Variants in AGBL4 observed in about 807,000 individuals in gnomAD.
AGBL4 encodes AGBL carboxypeptidase 4, also known as cytosolic carboxypeptidase 6.
AGBL4 carries 58 observed loss-of-function variants against 66.4 expected under a neutral mutation model. The ratio of observed to expected loss-of-function variants is 0.87; its 90% CI spans 0.71 to 1.09. The LOEUF (loss-of-function observed/expected upper bound fraction) is 1.09. Ranked by LOEUF, AGBL4 falls within the 50% of genes least tolerant of loss-of-function variation. AGBL4 has a pLI of 0.00. For synonymous variants in AGBL4, 234 were observed against 222.9 expected, an observed-to-expected ratio of 1.05 and a Z score of -0.44; for missense variants, 579 against 631.0, an observed-to-expected ratio of 0.92 and a Z score of 0.88.
At chr1:49,807,650 T>A (rs896342437) in intron 2 of AGBL4, among the ~76,000 whole-genome samples, 5 of 152,192 alleles carry the variant, frequency 3.3e-5, no homozygotes, top group African/African-American at 1.2e-4. Flanking sequence ...CTTTTGGGGT[T>A]ACTGGGATGG....
Position 49,796,114 on chromosome 1 carries a change from A to G in AGBL4, c.157+55282T>C, listed in dbSNP as rs193201753. Among the ~76,000 whole-genome samples, 65 of 152,060 alleles carry G rather than the reference A, an allele frequency of 4.3e-4. No individual in the cohort carries two copies. The East Asian group carries it at 0.012, about 28-fold the overall frequency. On this transcript the variant is annotated intron_variant, in intron 2 of 13. Transcript: ENST00000371839. ...AAACTCTAATAGAAAAACTGGGCAA[A>G]AGATATGAACAGGTAATTCAGAAGC...
chr1:49,938,858 T>C (rs1373678098), intron 1 of AGBL4, among the ~76,000 whole-genome samples: 3 of 152,002 alleles, frequency 2.0e-5, no homozygotes, highest in Non-Finnish European at 2.9e-5. Context: ...CCAGGGCAAT[T>C]AGGCAGGAGA....
intron 5 of AGBL4, among the ~76,000 whole-genome samples, chr1:48,877,251 A>T (rs1649319186): frequency 6.6e-6 from 1 of 152,166 alleles, no homozygotes; most frequent in Non-Finnish European, 1.5e-5. Flanking sequence ...GGAAGGGGAA[A>T]TATTTAGTTC....
chr1:49,987,107 T>TA (rs1204449949), intron 1 of AGBL4, among the ~76,000 whole-genome samples: 2 of 152,042 alleles, frequency 1.3e-5, no homozygotes, highest in African/African-American at 4.8e-5. Flanking sequence ...AACAGATCTG[T>TA]AAAAAACATC....
intron 3 of AGBL4, among the ~76,000 whole-genome samples, chr1:49,562,646 C>T (rs1454290737): frequency 1.3e-5 from 2 of 152,026 alleles, no homozygotes; most frequent in Non-Finnish European, 2.9e-5. Context: ...TCTGAGGGCT[C>T]TGTTCTGTTC....
intron 6 of AGBL4, among the ~76,000 whole-genome samples, chr1:48,848,770 T>TG (rs1646972545): frequency 6.6e-6 from 1 of 152,128 alleles, no homozygotes; most frequent in African/African-American, 2.4e-5. Context: ...ATTATAGGAG[T>TG]ACCAGTGGTC....
intron 2 of AGBL4, among the ~76,000 whole-genome samples, chr1:49,713,868 G>A (rs1647868383): frequency 6.6e-6 from 1 of 151,806 alleles, no homozygotes; most frequent in Admixed American, 6.6e-5. Context: ...GAGTTCAAGG[G>A]ATCTCCTACC....
At chr1:49,681,989 C>A (rs12058406) in intron 3 of AGBL4, among the ~76,000 whole-genome samples, 1 of 152,318 alleles carries the variant, frequency 6.6e-6, no homozygotes, top group African/African-American at 2.4e-5. Context: ...AAGTGGCTTT[C>A]TCCTACCTTG....
At chr1:49,048,269 G>A (rs924236241) in intron 4 of AGBL4, 9 of 152,100 alleles carry the variant, frequency 5.9e-5, no homozygotes, top group Admixed American at 1.3e-4. Context: ...CAGGGTATAT[G>A]CTTTCAATTC....
In AGBL4 at chr1:49,696,387, G is replaced by A. The variant is rs183001684; in HGVS notation, c.282+926C>T. On this transcript the variant is annotated intron_variant, in intron 3 of 13. Transcript: ENST00000371839. ...GCACTATTAAAAAAATGTAGCTGAA[G>A]AAATTATGGTTAAAAGCAGATTAAT... 1.7e-3 allele frequency among the ~76,000 whole-genome samples: 252 copies of A among 152,150 alleles called. 1 individual carries two copies. The highest frequency in any genetic ancestry group is 5.9e-3 in the African/African-American group (244 of 41,534).
intron 6 of AGBL4, among the ~76,000 whole-genome samples, chr1:48,853,211 C>T (rs891459890): frequency 1.3e-5 from 2 of 152,154 alleles, no homozygotes; most frequent in Non-Finnish European, 2.9e-5. Flanking sequence ...CACCAACCTA[C>T]CATCCATAGG....
chr1:49,138,248 G>A (rs1271162123), intron 4 of AGBL4, among the ~76,000 whole-genome samples: 1 of 152,098 alleles, frequency 6.6e-6, no homozygotes, highest in African/African-American at 2.4e-5. Flanking sequence ...TGCAAACAGA[G>A]CCTTTAAGGA....
intron 6 of AGBL4, among the ~76,000 whole-genome samples, chr1:48,804,643 GTGGGCTAT>G (rs1645882242): frequency 6.6e-6 from 1 of 152,162 alleles, no homozygotes; most frequent in Admixed American, 6.6e-5. Flanking sequence ...AGATATCATG[GTGGGCTAT>G]TGAGCTGGGG....
intron 5 of AGBL4, among the ~76,000 whole-genome samples, chr1:48,877,565 G>T (rs1412158964): frequency 1.3e-5 from 2 of 151,760 alleles, no homozygotes; most frequent in Non-Finnish European, 2.9e-5. Flanking sequence ...TACAATAAAA[G>T]AAATGCAACA....
chr1:49,617,919 T>C (rs974118837), intron 3 of AGBL4, among the ~76,000 whole-genome samples: 5 of 152,178 alleles, frequency 3.3e-5, no homozygotes, highest in African/African-American at 9.7e-5. Flanking sequence ...GTTTGTTACA[T>C]AGGTATACAT....
chr1:48,736,498 G>A lies in AGBL4; in HGVS notation c.635-73257C>T. The A allele has an allele frequency of 6.6e-7, 1 of 1,506,964 alleles. No individual in the cohort carries two copies. Among genetic ancestry groups the A allele is most frequent in the African/African-American group, 1.4e-5 (1 of 72,322 alleles). 93.3% of individuals were successfully genotyped at this position (1,506,964 alleles called of 1,614,324 possible). ...AGCACCTGTTTAGTCCGACAGGAGG[G>A]CAGTGGGAGGCTTCTCTTGTCCTTT... On this transcript the variant is annotated intron_variant, in intron 6 of 13. Transcript: ENST00000371839. The surrounding 1 kb of genome is among the most constrained non-coding windows in gnomAD (Gnocchi z 4.0).
intron 1 of AGBL4, among the ~76,000 whole-genome samples, chr1:49,955,887 T>C (rs536280639): frequency 4.5e-4 from 68 of 152,012 alleles, no homozygotes; most frequent in African/African-American, 1.2e-3. Flanking sequence ...TATTCCATAA[T>C]ACCCCAGGCA....
chr1:48,805,121 C>T (rs1247025349), intron 6 of AGBL4, among the ~76,000 whole-genome samples: 1 of 152,156 alleles, frequency 6.6e-6, no homozygotes, highest in Non-Finnish European at 1.5e-5. Context: ...AGAAAACAGT[C>T]AGAGGTGGTT....
At chr1:49,282,409 G>C (rs1181138704) in intron 3 of AGBL4, among the ~76,000 whole-genome samples, 1 of 152,140 alleles carries the variant, frequency 6.6e-6, no homozygotes, top group Non-Finnish European at 1.5e-5. Flanking sequence ...AGACACTACA[G>C]AGATGGTTAG....
Sources: allele counts gnomAD v4.1 joint callset (sites outside exome capture counted in the v4.1 genomes callset), GRCh38; gene constraint gnomAD v4.1.1; non-coding constraint Gnocchi (gnomAD v3.1); transcripts MANE v1.5; gene names NCBI Gene and HGNC (gene_info 2026-07-23, HGNC 2026-07-21).